GRID2: variants seen among roughly 807,000 people sequenced by gnomAD.
GRID2 encodes the protein glutamate ionotropic receptor delta type subunit 2.
In GRID2, 33 loss-of-function variants were observed where a neutral mutation model predicts 114.8. The observed-to-expected ratio is 0.29, with a 90% confidence interval of 0.22 to 0.38. The LOEUF is 0.38. Ranked by LOEUF, GRID2 falls within the 10% of genes least tolerant of loss-of-function variation. The probability of loss-of-function intolerance (pLI) is 1.00; values close to 1 mark genes in which losing one functional copy is unlikely to be tolerated. For synonymous variants in GRID2, 505 were observed against 449.9 expected (o/e 1.12, Z -1.55); for missense variants, 1,184 against 1,257.7 (o/e 0.94, Z 0.89).
intron 13 of GRID2, among the ~76,000 whole-genome samples, chr4:93,530,492 C>G (rs1357310152): frequency 1.3e-5 from 2 of 152,076 alleles, no homozygotes; most frequent in Non-Finnish European, 2.9e-5. Context: ...TTGCTCATTT[C>G]TTTCCCTCCA....
intron 2 of GRID2, chr4:92,822,598 C>T (rs886272565): frequency 1.7e-5 from 4 of 237,998 alleles, no homozygotes; most frequent in Non-Finnish European, 3.4e-5. Flanking sequence ...GAGAAGGCCA[C>T]ACTCAACACG....
intron 2 of GRID2, among the ~76,000 whole-genome samples, chr4:92,776,776 A>T (rs182373549): frequency 6.6e-6 from 1 of 152,134 alleles, no homozygotes; most frequent in Non-Finnish European, 1.5e-5. Flanking sequence ...TATATTAACT[A>T]AAAGAAGTTA....
At chr4:92,566,175 T>C (rs1727324080) in intron 1 of GRID2, among the ~76,000 whole-genome samples, 4 of 151,986 alleles carry the variant, frequency 2.6e-5, no homozygotes, top group South Asian at 2.1e-4. Flanking sequence ...GTATGTGTGA[T>C]GCATGTTAAG....
intron 10 of GRID2, among the ~76,000 whole-genome samples, chr4:93,439,276 T>C (rs1721398847): frequency 6.6e-6 from 1 of 152,106 alleles, no homozygotes; most frequent in African/African-American, 2.4e-5. Context: ...CCACATTCTA[T>C]GGCATAATAA....
At chr4:93,268,897 T>C (rs1234756786) in intron 8 of GRID2, among the ~76,000 whole-genome samples, 3 of 152,154 alleles carry the variant, frequency 2.0e-5, no homozygotes, top group Admixed American at 6.5e-5. Flanking sequence ...TTATGTTAGA[T>C]TGATGGAGAA....
intron 2 of GRID2, among the ~76,000 whole-genome samples, chr4:92,876,282 ATTTTATTT>A (rs1745623835): frequency 6.9e-6 from 1 of 144,320 alleles, no homozygotes; most frequent in Admixed American, 6.9e-5. Context: ...TTTTTTTATT[ATTTTATTT>A]ATTTATTTAT....
At chr4:93,650,620 A>G (rs982546532) in intron 14 of GRID2, among the ~76,000 whole-genome samples, 13 of 152,184 alleles carry the variant, frequency 8.5e-5, no homozygotes, top group African/African-American at 3.1e-4. Flanking sequence ...TGTGTGAAAC[A>G]TAGGAGTTTC....
At chr4:93,143,573 T>G (rs1735944548) in intron 4 of GRID2, among the ~76,000 whole-genome samples, 1 of 152,176 alleles carries the variant, frequency 6.6e-6, no homozygotes, top group East Asian at 1.9e-4. Flanking sequence ...AGGTGAAAAT[T>G]TGGTATAAGA....
intron 13 of GRID2, among the ~76,000 whole-genome samples, chr4:93,552,186 A>G (rs1483055432): frequency 6.6e-6 from 1 of 151,934 alleles, no homozygotes. Context: ...AGCTTCATCC[A>G]TGTCCCTACA....
Position 93,395,751 on chromosome 4 carries a change from AC to A in GRID2, c.1347+44del, listed in dbSNP as rs753185167. On this transcript the variant is annotated intron_variant, in intron 9 of 15. Coordinates refer to ENST00000282020, the MANE Select transcript of GRID2 (RefSeq NM_001510.4). Reference sequence around the variant, plus strand: ...CTCGTGGTTTTGACTTTTGGAGGTTACTTTATCCTATATTTCTTTCTTTATT... The same window carrying A: ...CTCGTGGTTTTGACTTTTGGAGGTTATTTATCCTATATTTCTTTCTTTATT... 3 of 820,060 alleles carry A rather than the reference AC, an allele frequency of 3.7e-6. No homozygotes were observed. The African/African-American group carries it at 5.1e-5, about 14-fold the overall frequency. The allele number at this position is 820,060 out of a possible 1,614,324, so 50.8% of individuals were successfully genotyped here. A position where few individuals can be genotyped will look rare whatever the true frequency, so the allele number is the denominator to read the frequency against.
At chr4:93,358,071 A>G (rs1408903203) in intron 8 of GRID2, among the ~76,000 whole-genome samples, 1 of 151,800 alleles carries the variant, frequency 6.6e-6, no homozygotes, top group Non-Finnish European at 1.5e-5. Context: ...AGATAGTTTC[A>G]TTGGACTTAT....
chr4:92,584,577 A>T (rs962765689), intron 1 of GRID2, among the ~76,000 whole-genome samples: 1 of 152,044 alleles, frequency 6.6e-6, no homozygotes, highest in East Asian at 1.9e-4. Context: ...ATTAAATTTC[A>T]TGTAAAACTA....
intron 1 of GRID2, among the ~76,000 whole-genome samples, chr4:92,453,283 T>G (rs1721039748): frequency 6.6e-6 from 1 of 152,184 alleles, no homozygotes; most frequent in South Asian, 2.1e-4. Flanking sequence ...AAGCATAGTT[T>G]TTAAAATATT....
At chr4:92,881,814 T>C (rs1305715281) in intron 2 of GRID2, among the ~76,000 whole-genome samples, 4 of 152,194 alleles carry the variant, frequency 2.6e-5, no homozygotes, top group Admixed American at 2.0e-4. Flanking sequence ...TTATGAAATA[T>C]ATGTTTTGAT....
intron 8 of GRID2, among the ~76,000 whole-genome samples, chr4:93,254,997 C>T (rs1350874146): frequency 6.6e-6 from 1 of 152,024 alleles, no homozygotes; most frequent in Non-Finnish European, 1.5e-5. Flanking sequence ...AAATTCAGGC[C>T]TCCTAAATGC....
At chr4:93,398,508 C>T (rs186445591) in intron 9 of GRID2, among the ~76,000 whole-genome samples, 1 of 151,772 alleles carries the variant, frequency 6.6e-6, no homozygotes, top group Admixed American at 6.6e-5. Context: ...AAAATGCTTA[C>T]GTCTGAATAA....
At chr4:93,212,973 A>G (rs1263154898) in intron 5 of GRID2, among the ~76,000 whole-genome samples, 3 of 152,002 alleles carry the variant, frequency 2.0e-5, no homozygotes, top group African/African-American at 7.2e-5. Flanking sequence ...GGGTTTCACC[A>G]TGTTGGCCAG....
chr4:92,448,488 G>A (rs1579382831), intron 1 of GRID2, among the ~76,000 whole-genome samples: 1 of 152,134 alleles, frequency 6.6e-6, no homozygotes, highest in East Asian at 1.9e-4. Context: ...GATTTTTAAA[G>A]TAAATTTTTT....
chr4:92,940,597 A>C (rs1751037020), intron 2 of GRID2, among the ~76,000 whole-genome samples: 1 of 152,092 alleles, frequency 6.6e-6, no homozygotes, highest in Non-Finnish European at 1.5e-5. Context: ...AGAACTTCCA[A>C]CACTATTTTG....
Sources: allele counts gnomAD v4.1 joint callset (sites outside exome capture counted in the v4.1 genomes callset), GRCh38; gene constraint gnomAD v4.1.1; transcripts MANE v1.5; gene names NCBI Gene and HGNC (gene_info 2026-07-23, HGNC 2026-07-21).